Variants in DONSON observed in about 807,000 individuals in gnomAD.
The protein encoded by DONSON is DNA replication fork stabilization factor DONSON.
DONSON carries 43 observed loss-of-function variants against 62.1 expected under a neutral mutation model. The observed-to-expected ratio is 0.69, with a 90% confidence interval of 0.54 to 0.89. The LOEUF is 0.89. Ranked by LOEUF, DONSON falls within the 40% of genes least tolerant of loss-of-function variation. DONSON has a pLI of 0.00. For synonymous variants in DONSON, 266 were observed against 264.6 expected, an observed-to-expected ratio of 1.01 and a Z score of -0.05; for missense variants, 696 against 697.5, an observed-to-expected ratio of 1.00 and a Z score of 0.03.
Position 33,578,277 on chromosome 21 carries a change from CAA to C in DONSON, c.*28_*29del, listed in dbSNP as rs758229003. On this transcript the variant is annotated 3_prime_UTR_variant, in exon 10 of 10. Coordinates refer to ENST00000303071, the MANE Select transcript of DONSON (RefSeq NM_017613.4). ...TTCCTTGCTAGAAGGCTTTTTTCCT[CAA>C]AGATTCCTTTTAGGCTTACTTTGGT... The C allele has an allele frequency of 6.3e-7, 1 of 1,592,934 alleles. No homozygotes were observed. Among genetic ancestry groups the C allele is most frequent in the South Asian group, 1.1e-5 (1 of 87,822 alleles).
Position 33,584,904 on chromosome 21 carries a change from G to C in DONSON, c.607-136C>G, listed in dbSNP as rs772945099. 5.6e-6 allele frequency: 4 copies of C among 708,108 alleles called. No individual in the cohort carries two copies. In the Admixed American group the frequency reaches 1.6e-4, roughly 28 times the overall value. The allele number at this position is 708,108 out of a possible 1,614,324, so 43.9% of individuals were successfully genotyped here. On this transcript the variant is annotated intron_variant, in intron 3 of 9. Coordinates refer to ENST00000303071, the MANE Select transcript of DONSON (RefSeq NM_017613.4). Reference sequence around the variant, plus strand: ...TAGGAAAGCATTAATAATTGTTATAGGAACGAAAACATAGTTTATCCTTAT... The same window carrying C: ...TAGGAAAGCATTAATAATTGTTATACGAACGAAAACATAGTTTATCCTTAT...
At chr21:33,583,754 T>TA in intron 4 of DONSON, 88 bp from the exon 5 acceptor site, 1 of 1,046,286 alleles carries the variant, frequency 9.6e-7, no homozygotes, top group South Asian at 1.8e-5. Flanking sequence ...ATACCTGGTT[T>TA]AAAACACAAC....
chr21:33,582,304 T>G, intron 5 of DONSON, 58 bp from the exon 6 acceptor site: 1 of 1,363,068 alleles, frequency 7.3e-7, no homozygotes, highest in Non-Finnish European at 1.0e-6. Context: ...ACAGGCATGC[T>G]GTACTTTTAG....
At chr21:33,585,387 A>ATTTTTTT (rs773327167) in intron 3 of DONSON, among the ~76,000 whole-genome samples, 1 of 109,820 alleles carries the variant, frequency 9.1e-6, no homozygotes, top group South Asian at 3.2e-4. Flanking sequence ...TGCTCAGCTA[A>ATTTTTTT]TTTTTTTTTT....
At chr21:33,583,094 G>A (rs552862447) in intron 5 of DONSON, among the ~76,000 whole-genome samples, 6 of 151,002 alleles carry the variant, frequency 4.0e-5, no homozygotes, top group Non-Finnish European at 1.5e-5. Context: ...CCAGCTACTC[G>A]GGAGGCTGAG....
At chr21:33,583,020 T>C (rs1254479650) in intron 5 of DONSON, among the ~76,000 whole-genome samples, 1 of 151,342 alleles carries the variant, frequency 6.6e-6, no homozygotes, top group African/African-American at 2.4e-5. Flanking sequence ...GCTAACACGG[T>C]GAAACCCCGT....
In DONSON at chr21:33,588,660, G is replaced by T; in HGVS notation, c.-19C>A. ...GGGCCATGACGCGCGGCGGCTGAGG[G>T]TAGCCGGCCGCCCTACAGAGACTTC... On this transcript the variant is annotated 5_prime_UTR_variant, in exon 1 of 10. Transcript: ENST00000303071. 1 of 1,230,166 alleles carries T rather than the reference G, an allele frequency of 8.1e-7. No individual in the cohort carries two copies. Among genetic ancestry groups the T allele is most frequent in the Non-Finnish European group, 1.0e-6 (1 of 985,872 alleles). The allele number at this position is 1,230,166 out of a possible 1,614,324, so 76.2% of individuals were successfully genotyped here.
chr21:33,588,162 T>C (rs2086602045), intron 1 of DONSON, among the ~76,000 whole-genome samples, 159 bp downstream of exon 1: 1 of 152,052 alleles, frequency 6.6e-6, no homozygotes, highest in Admixed American at 6.5e-5. Flanking sequence ...CTTGCCAGAA[T>C]CGCGGCTCCC....
chr21:33,584,636 G>T lies in DONSON; in HGVS notation c.739C>A (p.Pro247Thr). 1 of 1,613,054 alleles carries T rather than the reference G, an allele frequency of 6.2e-7. No homozygotes were observed. The highest frequency in any genetic ancestry group is 1.3e-5 in the African/African-American group (1 of 74,984). The change falls in exon 4 of 10, where the codon CCT (proline) becomes ACT (threonine). Residue 247 changes from proline to threonine, a missense_variant. Physicochemically the swap from Pro to Thr is conservative, Grantham distance 38 (BLOSUM62 -1). Coordinates refer to ENST00000303071, the MANE Select transcript of DONSON (RefSeq NM_017613.4). ...TGCAGGGTTGCATCATTTGACCAAG[G>T]ACTTGTCTTTCCAGCCATTTTTCTA... is the stretch of plus-strand genomic sequence containing the variant. Reference protein sequence around the residue: ...ADRKMAGKTSPWSNDATLQHV... With the variant: ...ADRKMAGKTSTWSNDATLQHV...
intron 8 of DONSON, among the ~76,000 whole-genome samples, chr21:33,580,779 G>A (rs540109794): frequency 6.6e-6 from 1 of 152,194 alleles, no homozygotes; most frequent in Non-Finnish European, 1.5e-5. Context: ...CTACTCGAGA[G>A]GCTGAGGCAG....
At position 33,586,144 on chromosome 21, in the gene DONSON, G is replaced by C. The variant is rs747762582; in HGVS notation, c.440C>G (p.Ser147Cys). 11 of 1,613,974 alleles carry C rather than the reference G, an allele frequency of 6.8e-6. No homozygotes were observed. In the East Asian group the frequency reaches 2.5e-4, roughly 36 times the overall value. ...HVSFSEPDIP[S>C]SKSTELPVDW... ...CACAGGTAACTCAGTACTTTTTGAG[G>C]ACGGAATATCAGGCTCGGAGAATGA... is the stretch of plus-strand genomic sequence containing the variant. The change falls in exon 3 of 10, where the codon TCC becomes TGC. Residue 147 changes from serine to cysteine, a missense_variant. By Grantham distance (112) the Ser-to-Cys change is moderately radical. Transcript: ENST00000303071.
intron 5 of DONSON, among the ~76,000 whole-genome samples, chr21:33,583,277 G>A (rs2145904099): frequency 6.8e-6 from 1 of 146,674 alleles, no homozygotes; most frequent in Middle Eastern, 3.5e-3. Context: ...CCTCCTCACT[G>A]CCCATGAAAC....
At chr21:33,582,496 A>G (rs1016536887) in intron 5 of DONSON, among the ~76,000 whole-genome samples, 2 of 152,172 alleles carry the variant, frequency 1.3e-5, no homozygotes, top group Admixed American at 1.3e-4. Flanking sequence ...TCACTTTTTG[A>G]AAAAGTACTG....
chr21:33,582,360 G>T, intron 5 of DONSON, 114 bp from the exon 6 acceptor site: 1 of 788,936 alleles, frequency 1.3e-6, no homozygotes, highest in Non-Finnish European at 2.0e-6. Flanking sequence ...GATCTATTAA[G>T]GCAGTAGAGT....
intron 4 of DONSON, 116 bp from the exon 5 acceptor site, chr21:33,583,782 T>C (rs765178839): frequency 7.5e-5 from 68 of 907,152 alleles, no homozygotes; most frequent in Non-Finnish European, 9.9e-5. Context: ...TTTTAGATAA[T>C]GGTTTTAATT....
In DONSON at chr21:33,579,345, C is replaced by G. The variant is rs759145500; in HGVS notation, c.1563+5G>C. On this transcript the variant is annotated splice_donor_5th_base_variant and intron_variant, in intron 9 of 9. Transcript: ENST00000303071. ...AAAACAGTCTGCTCATAGGTGTCTA[C>G]TTACCATATCAAGTACTTTGTCCAT... 5 of 1,587,932 alleles carry G rather than the reference C, an allele frequency of 3.1e-6. No homozygotes were observed. In the South Asian group the frequency reaches 5.7e-5, roughly 18 times the overall value.
Position 33,578,436 on chromosome 21 carries a change from A to G in DONSON, c.1572T>C (p.Val524=), listed in dbSNP as rs1445634708. The G allele has an allele frequency of 6.2e-7, 1 of 1,613,300 alleles. No homozygotes were observed. The highest frequency in any genetic ancestry group is 1.3e-5 in the African/African-American group (1 of 74,922). ...QMDKVLDMEV[V]HKELTNCGLH... ...AACCACAGTTAGTAAGCTCCTTATGAACAACCTCCTGTGGAAATGTGTGTA... is the reference window on the plus strand; with the variant it reads ...AACCACAGTTAGTAAGCTCCTTATGGACAACCTCCTGTGGAAATGTGTGTA... The change falls in exon 10 of 10, where the codon GTT becomes GTC. Residue 524 remains valine, a synonymous_variant. Coordinates refer to ENST00000303071, the MANE Select transcript of DONSON (RefSeq NM_017613.4).
At chr21:33,584,029 T>C (rs1159212778) in intron 4 of DONSON, among the ~76,000 whole-genome samples, 12 of 143,680 alleles carry the variant, frequency 8.4e-5, no homozygotes, top group Non-Finnish European at 1.7e-4. Flanking sequence ...TATATATATA[T>C]ATATATATAT....
rs2145906951 is a variant in DONSON at position 33,586,018 on chromosome 21, T to C, written c.566A>G (p.His189Arg). The stretch of plus-strand genomic sequence containing the variant: ...CAAAGTAACTTCTGTTGCCCTACAA[T>C]GCTGGACAAGACCTTGAGCTTCTTC... Reference protein sequence around the residue: ...AQEEAQGLVQHCRATEVTLPK... With the variant: ...AQEEAQGLVQRCRATEVTLPK... Residue 189 changes from histidine (H) to arginine (R), a missense_variant, in exon 3 of 10, where the codon CAT (histidine) becomes CGT (arginine). Coordinates refer to ENST00000303071, the MANE Select transcript of DONSON (RefSeq NM_017613.4). 1 of 1,614,238 alleles carries C rather than the reference T, an allele frequency of 6.2e-7. No individual in the cohort carries two copies. Among genetic ancestry groups the C allele is most frequent in the East Asian group, 2.2e-5 (1 of 44,880 alleles).
Sources: gnomAD v4.1 joint callset for allele counts (sites outside exome capture counted in the v4.1 genomes callset) on GRCh38, gnomAD v4.1.1 for gene constraint, MANE v1.5 for transcripts, NCBI Gene and HGNC (gene_info 2026-07-23, HGNC 2026-07-21) for gene names.